Variants in DMD observed in about 807,000 individuals in gnomAD.
DMD encodes the protein mutant dystrophin.
A neutral mutation model predicts 330.1 loss-of-function variants in DMD; 63 were observed. The ratio of observed to expected loss-of-function variants is 0.19; its 90% CI spans 0.16 to 0.24. DMD has a LOEUF of 0.24. Ranked by LOEUF, DMD falls within the 10% of genes least tolerant of loss-of-function variation. The pLI, the probability that DMD is intolerant of heterozygous loss-of-function variation, is 1.00. For synonymous variants in DMD, 1,223 were observed against 959.8 expected (o/e 1.27, Z -5.07); for missense variants, 3,344 against 2,684.1 (o/e 1.25, Z -5.43).
chrX:31,941,843 T>C (rs904829458), intron 45 of DMD, among the ~76,000 whole-genome samples: 2 of 112,004 alleles, frequency 1.8e-5, no homozygotes, highest in Non-Finnish European at 3.8e-5. Flanking sequence ...TGCATCCATG[T>C]TCCTACAAAA....
At chrX:32,483,164 T>TATATATATATATATACAC (rs1481445275) in intron 21 of DMD, among the ~76,000 whole-genome samples, 10 of 61,626 alleles carry the variant, frequency 1.6e-4, no homozygotes, top group Admixed American at 6.9e-4. Context: ...TATATATATA[T>TATATATATATATATACAC]ACACCATATT....
At chrX:31,228,872 T>G (rs1186650075) in intron 63 of DMD, among the ~76,000 whole-genome samples, 3 of 112,210 alleles carry the variant, frequency 2.7e-5, no homozygotes, top group Non-Finnish European at 5.6e-5. Context: ...TAACTTGTAT[T>G]ATTTTATCCA....
rs2055457774 is a variant in DMD, at chrX:32,595,831, G to A, written c.1528C>T (p.Leu510Phe). The change falls in exon 13 of 79, where the codon CTC becomes TTC. Residue 510 changes from leucine to phenylalanine, a missense_variant. Leu to Phe is a conservative substitution (Grantham distance 22). Coordinates refer to ENST00000357033, the MANE Select transcript of DMD (RefSeq NM_004006.3). ...LEQEQVRVNS[L>F]THMVVVVDES... ...TCAACTACCACCACCATGTGAGTGA[G>A]AGAATTGACCCTGACTTGTTCTTGT... 8.3e-7 allele frequency: 1 copy of A among 1,201,870 alleles called. No homozygotes were observed. The highest frequency in any genetic ancestry group is 1.1e-6 in the Non-Finnish European group (1 of 886,403).
At chrX:32,736,427 T>A (rs185360589) in intron 7 of DMD, among the ~76,000 whole-genome samples, 7,915 of 110,272 alleles carry the variant, frequency 0.072, 778 homozygotes, top group African/African-American at 0.25. Context: ...TATATACCCA[T>A]AGGACTATAA....
chrX:33,181,198 G>A (rs892323895), intron 1 of DMD, among the ~76,000 whole-genome samples: 2 of 111,308 alleles, frequency 1.8e-5, no homozygotes, highest in Non-Finnish European at 3.8e-5. Flanking sequence ...TAAACAATGA[G>A]TTAGTTAGAT....
chrX:32,535,912 G>A (rs1202326625), intron 17 of DMD, among the ~76,000 whole-genome samples: 1 of 111,512 alleles, frequency 9.0e-6, no homozygotes, highest in African/African-American at 3.3e-5. Context: ...GGAGATACAG[G>A]CATGCAAAAA....
chrX:31,418,307 A>G (rs1220056910), intron 60 of DMD, among the ~76,000 whole-genome samples: 2 of 110,932 alleles, frequency 1.8e-5, no homozygotes, highest in East Asian at 2.8e-4. Context: ...TCTCTTTTAT[A>G]AGGGTTCTAA....
chrX:32,243,097 A>G (rs145726461), intron 43 of DMD, among the ~76,000 whole-genome samples: 4,387 of 109,312 alleles, frequency 0.04, 229 homozygotes, highest in African/African-American at 0.13. Context: ...CAAGCAAGCT[A>G]GTTAAGTAAG....
chrX:32,347,732 GGAT>G (rs2097768752), intron 38 of DMD, among the ~76,000 whole-genome samples: 1 of 111,548 alleles, frequency 9.0e-6, no homozygotes, highest in African/African-American at 3.3e-5. Flanking sequence ...GTGAAAAGGA[GGAT>G]GAAGAGAGAA....
chrX:32,776,501 C>T (rs1474126439), intron 7 of DMD, among the ~76,000 whole-genome samples: 1 of 111,242 alleles, frequency 9.0e-6, no homozygotes, highest in African/African-American at 3.3e-5. Flanking sequence ...CCCCAGGAAA[C>T]TTACAATCAT....
intron 60 of DMD, among the ~76,000 whole-genome samples, chrX:31,390,467 C>A (rs891065344): frequency 9.0e-6 from 1 of 110,669 alleles, no homozygotes; most frequent in Non-Finnish European, 1.9e-5. Context: ...ACATTTCAAA[C>A]TGAACATGTC....
At chrX:31,456,876 GTATATA>G (rs1179873372) in intron 59 of DMD, among the ~76,000 whole-genome samples, 18 of 68,727 alleles carry the variant, frequency 2.6e-4, no homozygotes, top group African/African-American at 8.4e-4. Flanking sequence ...GTGTGTGTGT[GTATATA>G]TATATATATT....
Position 31,973,726 on chromosome X carries a change from A to T in DMD, c.6439-5212T>A, listed in dbSNP as rs1182098742. Among the ~76,000 whole-genome samples the T allele has an allele frequency of 4.5e-5, 5 of 111,876 alleles. No homozygotes were observed. In the Admixed American group the frequency reaches 4.7e-4, roughly 11 times the overall value. ...GTACCCTCTTTCTAGAGGACTTTTA[A>T]GAGGCCTAGGGGAACTAAGTGCCCC... On this transcript the variant is annotated intron_variant, in intron 44 of 78. Transcript: ENST00000357033.
intron 63 of DMD, among the ~76,000 whole-genome samples, chrX:31,241,359 A>G (rs2048267511): frequency 9.0e-6 from 1 of 111,702 alleles, no homozygotes; most frequent in African/African-American, 3.3e-5. Flanking sequence ...GGAGATACAA[A>G]TATCTTTTAC....
intron 2 of DMD, among the ~76,000 whole-genome samples, chrX:32,948,973 A>T (rs1016235633): frequency 2.7e-5 from 3 of 111,536 alleles, no homozygotes; most frequent in African/African-American, 9.7e-5. Flanking sequence ...ATAACTGAAC[A>T]AAAGTTTTAC....
At chrX:32,460,045 G>A (rs1469871056) in intron 25 of DMD, among the ~76,000 whole-genome samples, 8 of 110,159 alleles carry the variant, frequency 7.3e-5, no homozygotes, top group Admixed American at 4.9e-4. Context: ...TGGATGTGAT[G>A]GGATTCAAAA....
chrX:32,585,699 C>CAAAA lies in DMD; in HGVS notation c.1602+10054_1602+10057dup, dbSNP rs61394183. Among the ~76,000 whole-genome samples the CAAAA allele has an allele frequency of 6.1e-3, 194 of 31,929 alleles. 15 individuals carry two copies. The highest frequency in any genetic ancestry group is 0.015 in the Admixed American group (22 of 1,487). 27.7% of individuals were successfully genotyped at this position (31,929 alleles called of 115,157 possible). A position where few individuals can be genotyped will look rare whatever the true frequency, so the allele number is the denominator to read the frequency against. On this transcript the variant is annotated intron_variant, in intron 13 of 78. Transcript: ENST00000357033. ...TGGGTGACAGAGCAGGACTCCGTCT[C>CAAAA]AAAAAAAAAAAAAAAAAAAAAAAAA...
chrX:31,309,436 T>A (rs2055303819), intron 62 of DMD, among the ~76,000 whole-genome samples: 1 of 112,280 alleles, frequency 8.9e-6, no homozygotes, highest in Non-Finnish European at 1.9e-5. Context: ...TTCTTAGACT[T>A]GTGATTTCCT....
intron 1 of DMD, among the ~76,000 whole-genome samples, chrX:33,322,553 T>C (rs962789929): frequency 1.8e-5 from 2 of 111,778 alleles, no homozygotes; most frequent in Non-Finnish European, 3.8e-5. Context: ...TCAGTGTGGC[T>C]TTTGTACTCT....
Sources: gnomAD v4.1 joint callset for allele counts (sites outside exome capture counted in the v4.1 genomes callset) on GRCh38, gnomAD v4.1.1 for gene constraint, MANE v1.5 for transcripts, NCBI Gene and HGNC (gene_info 2026-07-23, HGNC 2026-07-21) for gene names.